The following TTLL5 variants were observed in gnomAD, a reference collection of about 807,000 sequenced individuals.
The protein encoded by TTLL5 is tubulin tyrosine ligase like 5, also known as tubulin polyglutamylase TTLL5.
TTLL5 carries 132 observed loss-of-function variants against 168.4 expected under a neutral mutation model. The ratio of observed to expected loss-of-function variants is 0.78; its 90% CI spans 0.68 to 0.91. The LOEUF (loss-of-function observed/expected upper bound fraction) is 0.91, where lower values mean the gene tolerates loss of function less well. Among genes scored for constraint, TTLL5 ranks in the 40% least tolerant of loss-of-function variants. TTLL5 has a pLI of 0.00. For synonymous variants in TTLL5, 546 were observed against 558.6 expected, an observed-to-expected ratio of 0.98 and a Z score of 0.32; for missense variants, 1,545 against 1,581.5, an observed-to-expected ratio of 0.98 and a Z score of 0.39.
At chr14:75,803,067 T>C (rs1893421361) in intron 27 of TTLL5, 2 of 152,318 alleles carry the variant, frequency 1.3e-5, no homozygotes, top group African/African-American at 4.8e-5. Flanking sequence ...AGAGCTTTCA[T>C]GCCGTGTGAA....
intron 31 of TTLL5, among the ~76,000 whole-genome samples, chr14:75,919,197 CAAAAAAAAAAAAA>C (rs10655974): frequency 1.8e-5 from 1 of 56,104 alleles, no homozygotes; most frequent in Admixed American, 3.0e-4. Context: ...AAGACCGTCT[CAAAAAAAAAAAAA>C]AAAAAAAAAA....
rs1279117822 is a variant in TTLL5 at position 75,745,078 on chromosome 14, C to A, written c.1282-17C>A. 6.2e-7 allele frequency: 1 copy of A among 1,608,684 alleles called. No homozygotes were observed. Among genetic ancestry groups the A allele is most frequent in the South Asian group, 1.1e-5 (1 of 90,420 alleles). On this transcript the variant is annotated splice_polypyrimidine_tract_variant and intron_variant, in intron 15 of 31. Coordinates refer to ENST00000298832, the MANE Select transcript of TTLL5 (RefSeq NM_015072.5). ...CTTAAAAAATTTTTTTTACTATTTT[C>A]ATTTTCTTCTCCTTAGCGTTGCCGT...
chr14:75,745,622 C>G, intron 17 of TTLL5, 41 bp downstream of exon 17: 2 of 1,530,304 alleles, frequency 1.3e-6, no homozygotes, highest in Non-Finnish European at 1.8e-6. Context: ...TACCTGAGGT[C>G]CATAGAATTA....
At chr14:75,901,967 A>G (rs2032941818) in intron 30 of TTLL5, among the ~76,000 whole-genome samples, 175 bp from the exon 31 acceptor site, 1 of 152,198 alleles carries the variant, frequency 6.6e-6, no homozygotes, top group African/African-American at 2.4e-5. Context: ...AGAAGTGTGG[A>G]GGTTTGTCAT....
At chr14:75,777,085 T>G (rs7153495) in intron 23 of TTLL5, among the ~76,000 whole-genome samples, 2,771 of 152,228 alleles carry the variant, frequency 0.018, 86 homozygotes, top group African/African-American at 0.06. Flanking sequence ...TGTCTCTAAA[T>G]GATGAAAAAA....
Position 75,699,263 on chromosome 14 carries a change from TC to T in TTLL5, c.579del (p.Asn194ThrfsTer24). Reference protein sequence around the residue: ...ASSRGRGVYLINNPNQISLEE... With the variant: ...ASSRGRGVYLXNNPNQISLEE... Reference sequence around the variant, plus strand: ...TCAAGGGGGCGGGGCGTCTACCTGATCAACAATGTAAGTATGCAGCAGATGG... The same window carrying T: ...TCAAGGGGGCGGGGCGTCTACCTGATAACAATGTAAGTATGCAGCAGATGG... On this transcript the variant is annotated frameshift_variant, in exon 7 of 32. Coordinates refer to ENST00000298832, the MANE Select transcript of TTLL5 (RefSeq NM_015072.5). LOFTEE classifies it high-confidence loss of function. 1 of 1,613,836 alleles carries T rather than the reference TC, an allele frequency of 6.2e-7. No individual in the cohort carries two copies. The highest frequency in any genetic ancestry group is 8.5e-7 in the Non-Finnish European group (1 of 1,179,818).
At chr14:75,681,664 T>C in intron 4 of TTLL5, 37 bp downstream of exon 4, 1 of 1,584,552 alleles carries the variant, frequency 6.3e-7, no homozygotes, top group Non-Finnish European at 8.7e-7. Flanking sequence ...GATCTGCTCA[T>C]AAGCTGAAAA....
intron 29 of TTLL5, among the ~76,000 whole-genome samples, chr14:75,866,869 G>C (rs1469816976): frequency 1.3e-5 from 2 of 152,172 alleles, no homozygotes; most frequent in African/African-American, 2.4e-5. Flanking sequence ...AGTGAGAGAG[G>C]AAAGTCACCC....
At position 75,669,445 on chromosome 14, in the gene TTLL5, G is replaced by C; in HGVS notation, c.104G>C (p.Gly35Ala). 6.2e-7 allele frequency: 1 copy of C among 1,614,108 alleles called. No individual in the cohort carries two copies. The highest frequency in any genetic ancestry group is 8.5e-7 in the Non-Finnish European group (1 of 1,179,932). The change falls in exon 3 of 32, where the codon GGC (glycine) becomes GCC (alanine). Residue 35 changes from glycine (G) to alanine (A), a missense_variant. Coordinates refer to ENST00000298832, the MANE Select transcript of TTLL5 (RefSeq NM_015072.5). ...EDHPCIMWTG[G>A]CRRIPVLVFH... ...CATCCATGCATCATGTGGACTGGAG[G>C]CTGCAGGAGAATTCCAGTTTTGGTA...
chr14:75,805,184 C>G (rs1893579109), intron 27 of TTLL5, among the ~76,000 whole-genome samples: 1 of 152,204 alleles, frequency 6.6e-6, no homozygotes, highest in African/African-American at 2.4e-5. Flanking sequence ...AATCTTCTTC[C>G]TTTAGCATGT....
intron 7 of TTLL5, among the ~76,000 whole-genome samples, chr14:75,700,586 C>T (rs781560286): frequency 2.6e-4 from 39 of 152,184 alleles, no homozygotes; most frequent in African/African-American, 8.7e-4. Context: ...TGCAAAACCC[C>T]GGAAGCATGC....
intron 15 of TTLL5, among the ~76,000 whole-genome samples, chr14:75,743,823 T>C (rs550462302): frequency 1.6e-4 from 24 of 152,062 alleles, no homozygotes; most frequent in Admixed American, 2.6e-4. Context: ...CCTTGTGATC[T>C]GCCCACCTTG....
intron 2 of TTLL5, among the ~76,000 whole-genome samples, chr14:75,669,051 C>T (rs1484315808): frequency 6.6e-6 from 1 of 152,172 alleles, no homozygotes. Flanking sequence ...AAGAGGAAGA[C>T]AGGCTATCAT....
At chr14:75,887,986 C>T (rs185845070) in intron 30 of TTLL5, among the ~76,000 whole-genome samples, 359 of 152,254 alleles carry the variant, frequency 2.4e-3, no homozygotes, top group Non-Finnish European at 3.1e-3. Flanking sequence ...ATAGTGTCTT[C>T]TGGGAGAGTG....
At chr14:75,926,059 A>G (rs1437588254) in intron 31 of TTLL5, among the ~76,000 whole-genome samples, 2 of 144,670 alleles carry the variant, frequency 1.4e-5, no homozygotes, top group African/African-American at 2.7e-5. Flanking sequence ...GGAGAGGGAG[A>G]CCGTGGGCCG....
At chr14:75,742,469 C>T (rs902681639) in intron 15 of TTLL5, among the ~76,000 whole-genome samples, 2 of 152,180 alleles carry the variant, frequency 1.3e-5, no homozygotes, top group Admixed American at 6.5e-5. Flanking sequence ...AATCTTGGCT[C>T]AGTGCAACTT....
intron 28 of TTLL5, chr14:75,837,181 T>C (rs1323328714): frequency 2.0e-5 from 3 of 152,296 alleles, no homozygotes; most frequent in Non-Finnish European, 4.4e-5. Flanking sequence ...ACTTCCATGA[T>C]GTTTCACTCT....
intron 20 of TTLL5, among the ~76,000 whole-genome samples, chr14:75,767,205 C>A (rs1444889280): frequency 6.6e-6 from 1 of 150,802 alleles, no homozygotes; most frequent in African/African-American, 2.4e-5. Flanking sequence ...ATAATACAGT[C>A]ATTCATTAAG....
intron 31 of TTLL5, among the ~76,000 whole-genome samples, chr14:75,924,611 G>A (rs374015712): frequency 2.0e-5 from 3 of 151,880 alleles, no homozygotes; most frequent in Non-Finnish European, 4.4e-5. Flanking sequence ...TAAGGTCACC[G>A]ATCAACAGGA....
Sources: allele counts gnomAD v4.1 joint callset (sites outside exome capture counted in the v4.1 genomes callset), GRCh38; gene constraint gnomAD v4.1.1; transcripts MANE v1.5; gene names NCBI Gene and HGNC (gene_info 2026-07-23, HGNC 2026-07-21).